PTGER4: variants seen among roughly 807,000 people sequenced by gnomAD.
The protein encoded by PTGER4 is prostaglandin E2 receptor EP4 subtype.
Under a neutral mutation model 33.2 loss-of-function variants are expected in PTGER4, and 11 were observed. That is an observed-to-expected ratio of 0.33 (90% CI 0.21 to 0.55). The LOEUF (loss-of-function observed/expected upper bound fraction) is 0.55. Among genes scored for constraint, PTGER4 ranks in the 20% least tolerant of loss-of-function variants. The pLI is 0.92. For synonymous variants in PTGER4, 275 were observed against 281.5 expected, an observed-to-expected ratio of 0.98 and a Z score of 0.23; for missense variants, 481 against 650.2, an observed-to-expected ratio of 0.74 and a Z score of 2.83.
the PTGER4 span, chr5:40,715,171 T>G: frequency 6.6e-6 from 1 of 152,094 alleles, no homozygotes; most frequent in Non-Finnish European, 1.5e-5. Context: ...AATTAGCTAT[T>G]TAAAATTGTA....
chr5:40,705,370 C>A, the PTGER4 span, among the ~76,000 whole-genome samples: 10 of 152,184 alleles, frequency 6.6e-5, no homozygotes, highest in Admixed American at 1.3e-4. Flanking sequence ...ACTATAAATA[C>A]CCTGGAAGAC....
the PTGER4 span, among the ~76,000 whole-genome samples, chr5:40,698,948 T>C: frequency 6.6e-6 from 1 of 152,210 alleles, no homozygotes; most frequent in Non-Finnish European, 1.5e-5. Context: ...CAATGGCTTC[T>C]GACATTACAA....
chr5:40,730,411 T>G, the PTGER4 span: 3 of 1,293,318 alleles, frequency 2.3e-6, no homozygotes, highest in African/African-American at 3.0e-5. Context: ...AAAAAAAAAT[T>G]TTTATTGTAG....
chr5:40,745,426 G>A, the PTGER4 span, among the ~76,000 whole-genome samples: 2 of 152,004 alleles, frequency 1.3e-5, no homozygotes, highest in Admixed American at 6.6e-5. Context: ...AATTATGTAT[G>A]CCTGTGTGTG....
the PTGER4 span, chr5:40,716,103 G>A: frequency 6.8e-7 from 1 of 1,469,114 alleles, no homozygotes; most frequent in Non-Finnish European, 9.2e-7. Flanking sequence ...ACTTCAAGAG[G>A]CAATCAAAAA....
At chr5:40,722,740 GC>G in the PTGER4 span, among the ~76,000 whole-genome samples, 1 of 150,862 alleles carries the variant, frequency 6.6e-6, no homozygotes, top group East Asian at 2.0e-4. Context: ...TGGCGGGGCA[GC>G]CCCTGCCCGG....
chr5:40,746,362 G>A, the PTGER4 span, among the ~76,000 whole-genome samples: 2 of 152,084 alleles, frequency 1.3e-5, no homozygotes, highest in Admixed American at 1.3e-4. Flanking sequence ...GAAGTAAATG[G>A]CAAAGAATAA....
rs1364751073 is a variant in PTGER4, at chr5:40,688,677, A to G, written c.868-3102A>G. Among the ~76,000 whole-genome samples, 4 of 152,316 alleles carry G rather than the reference A, an allele frequency of 2.6e-5. No homozygotes were observed. The East Asian group carries it at 5.8e-4, about 22-fold the overall frequency. ...GAGAAAAGGCCTGTAGAGTTGAGGG[A>G]ACTGCTGAGTTTCCAGGCATAGCTG... On this transcript the variant is annotated intron_variant, in intron 2 of 2. Coordinates refer to ENST00000302472, the MANE Select transcript of PTGER4 (RefSeq NM_000958.3).
the PTGER4 span, chr5:40,730,239 G>A: frequency 6.4e-7 from 1 of 1,562,312 alleles, no homozygotes. Flanking sequence ...CATAAGGAAA[G>A]TGAAATTCTT....
the PTGER4 span, among the ~76,000 whole-genome samples, chr5:40,711,197 T>A: frequency 6.6e-6 from 1 of 151,854 alleles, no homozygotes; most frequent in Non-Finnish European, 1.5e-5. Context: ...CTCTTACAAC[T>A]CAATAAGAAG....
In PTGER4 at chr5:40,691,605, C is replaced by T. The variant is rs1206587512; in HGVS notation, c.868-174C>T. Among the ~76,000 whole-genome samples the T allele has an allele frequency of 6.6e-6, 1 of 152,220 alleles. No homozygotes were observed. Among genetic ancestry groups the T allele is most frequent in the Non-Finnish European group, 1.5e-5 (1 of 68,038 alleles). On this transcript the variant is annotated intron_variant, in intron 2 of 2. Transcript: ENST00000302472. This position sits in a 1 kb window ranked among gnomAD's most constrained non-coding sequence, Gnocchi z 4.2. ...TGCTGGGATTACAGGCGTGAGCCACCGTGCCCAGCCCATGACTGGTTTTTC... is the reference window on the plus strand; with the variant it reads ...TGCTGGGATTACAGGCGTGAGCCACTGTGCCCAGCCCATGACTGGTTTTTC...
chr5:40,694,533 A>G (rs889880296), downstream of PTGER4, among the ~76,000 whole-genome samples: 1 of 152,080 alleles, frequency 6.6e-6, no homozygotes, highest in Non-Finnish European at 1.5e-5. Flanking sequence ...GTTTCTCTTG[A>G]GCCCCCTCTC....
Position 40,681,878 on chromosome 5 carries a change from GGGCCCTACTC to G in PTGER4, c.867+23_867+32del. 6.7e-7 allele frequency: 1 copy of G among 1,489,672 alleles called. No homozygotes were observed. Among genetic ancestry groups the G allele is most frequent in the Non-Finnish European group, 8.9e-7 (1 of 1,124,676 alleles). 92.3% of individuals were successfully genotyped at this position (1,489,672 alleles called of 1,614,324 possible). On this transcript the variant is annotated intron_variant, in intron 2 of 2. Transcript: ENST00000302472. This position sits in a 1 kb window ranked among gnomAD's most constrained non-coding sequence, Gnocchi z 9.8. ...CGCTCGTGGTGAGTGACCGGGGCTG[GGGCCCTACTC>G]GGCCTTTTTCTCGCATCCACCTCCC...
the PTGER4 span, chr5:40,716,425 CAA>C: frequency 1.9e-6 from 3 of 1,613,718 alleles, no homozygotes; most frequent in Non-Finnish European, 2.5e-6. Context: ...CGTTCTTGCC[CAA>C]GAGAGGTCTT....
chr5:40,712,544 G>C, the PTGER4 span, among the ~76,000 whole-genome samples: 10 of 152,150 alleles, frequency 6.6e-5, no homozygotes, highest in African/African-American at 2.4e-4. Flanking sequence ...GAATTAGACA[G>C]ACCTGCTTAC....
the PTGER4 span, among the ~76,000 whole-genome samples, chr5:40,737,699 T>C: frequency 1.3e-5 from 2 of 152,146 alleles, no homozygotes; most frequent in Non-Finnish European, 1.5e-5. Context: ...ATAAAGAACA[T>C]TTTTGTCAAT....
At chr5:40,742,100 GT>G in the PTGER4 span, among the ~76,000 whole-genome samples, 11 of 149,008 alleles carry the variant, frequency 7.4e-5, no homozygotes, top group Middle Eastern at 0.01. Context: ...GTTGAAAACA[GT>G]TTTTTTTTTA....
chr5:40,703,088 T>C, the PTGER4 span, among the ~76,000 whole-genome samples: 40 of 152,186 alleles, frequency 2.6e-4, no homozygotes, highest in Admixed American at 1.0e-3. Flanking sequence ...ACGACCTAAC[T>C]TCACAACTGA....
the PTGER4 span, among the ~76,000 whole-genome samples, chr5:40,717,229 C>CAAAAAAAA: frequency 1.8e-5 from 2 of 108,902 alleles, no homozygotes; most frequent in Non-Finnish European, 3.6e-5. Context: ...AACTCCATCT[C>CAAAAAAAA]AAAAAAAAAA....
Sources: gnomAD v4.1 joint callset for allele counts (sites outside exome capture counted in the v4.1 genomes callset) on GRCh38, gnomAD v4.1.1 for gene constraint, Gnocchi (gnomAD v3.1) non-coding constraint, MANE v1.5 for transcripts, NCBI Gene and HGNC (gene_info 2026-07-23, HGNC 2026-07-21) for gene names.